Variants in ELN observed in about 807,000 individuals in gnomAD.
ELN encodes elastin, also known as tropoelastin.
A neutral mutation model predicts 105.8 loss-of-function variants in ELN; 65 were observed. The observed-to-expected ratio is 0.61, with a 90% confidence interval of 0.50 to 0.75. ELN has a LOEUF of 0.75. Among genes scored for constraint, ELN ranks in the 30% least tolerant of loss-of-function variants. ELN has a pLI of 0.00. For missense variants in ELN, 882 were observed against 969.4 expected (o/e 0.91, Z 1.20); for synonymous variants, 368 against 389.2 (o/e 0.95, Z 0.64).
At chr7:74,053,486 T>C (rs889208085) in intron 18 of ELN, among the ~76,000 whole-genome samples, 177 bp downstream of exon 18, 1 of 152,224 alleles carries the variant, frequency 6.6e-6, no homozygotes, top group Non-Finnish European at 1.5e-5. Context: ...ACCAATCTCC[T>C]TATTAGCTTC....
intron 32 of ELN, among the ~76,000 whole-genome samples, chr7:74,068,272 G>T (rs1798416667): frequency 6.6e-6 from 1 of 152,170 alleles, no homozygotes; most frequent in African/African-American, 2.4e-5. Flanking sequence ...CCCACTCCCT[G>T]AGAGGGCCGT....
At position 74,028,269 on chromosome 7, in the gene ELN, G is replaced by A; in HGVS notation, c.82G>A (p.Gly28Arg). Residue 28 changes from glycine (G) to arginine (R), a missense_variant and splice_region_variant, in exon 1 of 33, where the codon GGG becomes AGG. Transcript: ENST00000252034. ...LSILHPSRPG[G>R]VPGAIPGGVP... ...CATCCTCCACCCCTCTCGGCCTGGA[G>A]GTAAGGACCCCTCGCCCCTGTCCCC... 1 of 1,606,860 alleles carries A rather than the reference G, an allele frequency of 6.2e-7. No homozygotes were observed. Among genetic ancestry groups the A allele is most frequent in the African/African-American group, 1.3e-5 (1 of 74,988 alleles).
intron 18 of ELN, among the ~76,000 whole-genome samples, chr7:74,054,207 C>G (rs1563829783): frequency 6.6e-6 from 1 of 151,970 alleles, no homozygotes; most frequent in African/African-American, 2.4e-5. Flanking sequence ...GTGGCTCACG[C>G]CTATAATCTC....
At chr7:74,068,575 C>A in intron 32 of ELN, 82 bp from the exon 33 acceptor site, 1 of 1,564,316 alleles carries the variant, frequency 6.4e-7, no homozygotes, top group Non-Finnish European at 8.8e-7. Flanking sequence ...AGCCTCCATT[C>A]GAGTGGGTCA....
chr7:74,043,174 T>C lies in ELN; in HGVS notation c.427+6T>C. 6.3e-7 allele frequency: 1 copy of C among 1,588,426 alleles called. No homozygotes were observed. Among genetic ancestry groups the C allele is most frequent in the Non-Finnish European group, 8.6e-7 (1 of 1,167,080 alleles). ...GAAGCCTGGGAAAGTGCCGGGTCAG[T>C]GCGGAATCCCTGGGGCTGGAGGACA... On this transcript the variant is annotated splice_donor_region_variant and intron_variant, in intron 8 of 32. Transcript: ENST00000252034.
chr7:74,032,516 C>A (rs1788932353), intron 1 of ELN, among the ~76,000 whole-genome samples: 1 of 152,210 alleles, frequency 6.6e-6, no homozygotes, highest in African/African-American at 2.4e-5. Flanking sequence ...CTCTCACTTG[C>A]AGAGAGGCAG....
Position 74,041,222 on chromosome 7 carries a change from G to C in ELN, c.203G>C (p.Gly68Ala). 1 of 1,614,042 alleles carries C rather than the reference G, an allele frequency of 6.2e-7. No homozygotes were observed. Among genetic ancestry groups the C allele is most frequent in the South Asian group, 1.1e-5 (1 of 91,074 alleles). Residue 68 changes from glycine (G) to alanine (A), a missense_variant, in exon 5 of 33, where the codon GGA becomes GCA. By Grantham distance (60) the Gly-to-Ala change is moderately conservative. Transcript: ENST00000252034. The stretch of plus-strand genomic sequence containing the variant: ...CTCTGTTTCTTATCCACAGTTCCCG[G>C]AGGGCTTGCGGGTGCTGGCCTTGGG... ...PGGKPLKPVP[G>A]GLAGAGLGAG...
chr7:74,043,296 G>A (rs1309783922), intron 8 of ELN, 128 bp downstream of exon 8: 1 of 1,379,112 alleles, frequency 7.3e-7, no homozygotes, highest in African/African-American at 1.4e-5. Context: ...GTCGGGCAGA[G>A]AAACTAGCCA....
At chr7:74,043,340 G>T in intron 8 of ELN, 172 bp downstream of exon 8, 3 of 1,021,818 alleles carry the variant, frequency 2.9e-6, no homozygotes, top group Non-Finnish European at 4.4e-6. Flanking sequence ...TGGGGAGGAG[G>T]GGCCTGGCCC....
chr7:74,064,617 A>G lies in ELN; in HGVS notation c.1993+922A>G, dbSNP rs1797556284. 1.3e-5 allele frequency among the ~76,000 whole-genome samples: 2 copies of G among 151,972 alleles called. 1 individual carries two copies. The highest frequency in any genetic ancestry group is 4.2e-4 in the South Asian group (2 of 4,818). On this transcript the variant is annotated intron_variant, in intron 29 of 32. Transcript: ENST00000252034. ...AGCAACAGAGCAAGACCTCATCCCA[A>G]AACAAAATAAAAACAAGAAATGTGG...
chr7:74,069,307 T>G lies in ELN; in HGVS notation c.*607T>G. 4.2e-6 allele frequency: 1 copy of G among 237,710 alleles called. No individual in the cohort carries two copies. The highest frequency in any genetic ancestry group is 8.3e-6 in the Non-Finnish European group (1 of 120,262). 14.7% of individuals were successfully genotyped at this position (237,710 alleles called of 1,614,324 possible). On this transcript the variant is annotated 3_prime_UTR_variant, in exon 33 of 33. Coordinates refer to ENST00000252034, the MANE Select transcript of ELN (RefSeq NM_000501.4). ...TTGGAAAACCACCCCACACTGGGAA[T>G]AGCCACCTTGCCCTTGTAGAATCCA...
At chr7:74,060,092 C>T in intron 23 of ELN, 45 bp downstream of exon 23, 1 of 1,614,170 alleles carries the variant, frequency 6.2e-7, no homozygotes, top group South Asian at 1.1e-5. Flanking sequence ...CCGAAGCCTC[C>T]ATGGGCCCCG....
intron 1 of ELN, among the ~76,000 whole-genome samples, chr7:74,031,126 C>T (rs1446899426): frequency 6.6e-6 from 1 of 152,248 alleles, no homozygotes; most frequent in Non-Finnish European, 1.5e-5. Flanking sequence ...AAACAGGCTG[C>T]TTCCAGCTCT....
rs782770862 is a variant in ELN, at chr7:74,043,039, G to C, written c.376+5G>C. ...GTGGCTTAGGAGTGTCTGCAGGTAC[G>C]ATGGCTATCCCCGAACTCCCTGGGT... On this transcript the variant is annotated splice_donor_5th_base_variant and intron_variant, in intron 7 of 32. Transcript: ENST00000252034. 1 of 1,614,184 alleles carries C rather than the reference G, an allele frequency of 6.2e-7. No homozygotes were observed. The highest frequency in any genetic ancestry group is 1.1e-5 in the South Asian group (1 of 91,084).
chr7:74,063,042 C>A lies in ELN; in HGVS notation c.1787-111C>A. 1 of 1,352,322 alleles carries A rather than the reference C, an allele frequency of 7.4e-7. No homozygotes were observed. The highest frequency in any genetic ancestry group is 1.3e-5 in the South Asian group (1 of 76,170). The allele number at this position is 1,352,322 out of a possible 1,614,324, so 83.8% of individuals were successfully genotyped here. On this transcript the variant is annotated intron_variant, in intron 26 of 32. Transcript: ENST00000252034. This position sits in a 1 kb window ranked among gnomAD's most constrained non-coding sequence, Gnocchi z 4.1. Reference sequence around the variant, plus strand: ...TGGACTGGACTTCCTGTCCACTGCTCCTCCACAGTGTCACATGGCCCCTGC... The same window carrying A: ...TGGACTGGACTTCCTGTCCACTGCTACTCCACAGTGTCACATGGCCCCTGC...
intron 5 of ELN, 140 bp from the exon 6 acceptor site, chr7:74,042,474 C>A: frequency 1.4e-6 from 1 of 715,612 alleles, no homozygotes; most frequent in African/African-American, 1.8e-5. Context: ...ACATGGATGT[C>A]CTGCAGGCAT....
intron 24 of ELN, 74 bp downstream of exon 24, chr7:74,060,258 A>C (rs2132310251): frequency 6.2e-7 from 1 of 1,613,586 alleles, no homozygotes; most frequent in South Asian, 1.1e-5. Flanking sequence ...GCCAGGGAGG[A>C]GGCCGCTGCT....
At chr7:74,037,342 T>C (rs1188294316) in intron 3 of ELN, among the ~76,000 whole-genome samples, 11 of 151,798 alleles carry the variant, frequency 7.2e-5, no homozygotes, top group Admixed American at 7.2e-4. Context: ...TACAGGCACA[T>C]GCCACCACGC....
intron 15 of ELN, 121 bp from the exon 16 acceptor site, chr7:74,051,629 C>A: frequency 9.3e-7 from 1 of 1,074,846 alleles, no homozygotes; most frequent in Non-Finnish European, 1.4e-6. Flanking sequence ...CATCTGGAGA[C>A]ACCCGGGCCC....
Sources: allele counts gnomAD v4.1 joint callset (sites outside exome capture counted in the v4.1 genomes callset), GRCh38; gene constraint gnomAD v4.1.1; non-coding constraint Gnocchi (gnomAD v3.1); transcripts MANE v1.5; gene names NCBI Gene and HGNC (gene_info 2026-07-23, HGNC 2026-07-21).